Variants in CA14 observed in about 807,000 individuals in gnomAD.
The protein encoded by CA14 is CA-XIV.
Under a neutral mutation model 48.8 loss-of-function variants are expected in CA14, and 44 were observed. The observed-to-expected ratio is 0.90, with a 90% CI of 0.71 to 1.16. The LOEUF (loss-of-function observed/expected upper bound fraction) is 1.16. CA14 is among the 50% of genes most tolerant of loss of function. The pLI is 0.00. For missense variants in CA14, 386 were observed against 401.0 expected (o/e 0.96, Z 0.32); for synonymous variants, 154 against 155.0 (o/e 0.99, Z 0.05).
intron 2 of CA14, 153 bp from the exon 3 acceptor site, chr1:150,261,306 A>G (rs1651009554): frequency 4.7e-6 from 3 of 644,982 alleles, no homozygotes; most frequent in Admixed American, 2.9e-5. Context: ...CCATCCCTAT[A>G]CAACTGGGGT....
intron 8 of CA14, 48 bp downstream of exon 8, chr1:150,263,467 T>C (rs1553848481): frequency 6.2e-7 from 1 of 1,610,640 alleles, no homozygotes; most frequent in East Asian, 2.2e-5. Context: ...GGGGACACAA[T>C]GGCAGGAACT....
rs782676908 is a variant in CA14 at position 150,263,352 on chromosome 1, T to A, written c.774T>A (p.Leu258=). Residue 258 remains leucine (L), a synonymous_variant, in exon 8 of 11, where the codon CTT becomes CTA. Transcript: ENST00000369111. ...CCACAGAAGAGGAGCCCTCTAAGCTTCTGGTACAGAACTACCGAGCCCTTC... is the reference window on the plus strand; with the variant it reads ...CCACAGAAGAGGAGCCCTCTAAGCTACTGGTACAGAACTACCGAGCCCTTC... ...LFSTEEEPSK[L]LVQNYRALQP... 1.2e-6 allele frequency: 2 copies of A among 1,614,210 alleles called. No homozygotes were observed. Among genetic ancestry groups the A allele is most frequent in the Admixed American group, 3.3e-5 (2 of 60,026 alleles).
intron 3 of CA14, 126 bp downstream of exon 3, chr1:150,261,764 C>A: frequency 2.4e-6 from 2 of 846,092 alleles, no homozygotes; most frequent in Non-Finnish European, 3.6e-6. Context: ...GCCCTCAAAT[C>A]TTGTCAAGAT....
intron 10 of CA14, 62 bp from the exon 11 acceptor site, chr1:150,264,530 AT>A: frequency 1.1e-6 from 1 of 942,292 alleles, no homozygotes; most frequent in South Asian, 1.3e-5. Context: ...GCATTCTCCT[AT>A]TTCACCTCTA....
rs782649312 is a variant in CA14 at position 150,264,647 on chromosome 1, G to A, written c.1002G>A (p.Thr334=). ...KSVVFTSAQA[T]TEA is the part of the protein sequence containing the mutation. ...TGGTCTTCACCTCAGCACAAGCCAC[G>A]ACTGAGGCATAAATTCCTTCTCAGA... is the stretch of plus-strand genomic sequence containing the variant. Residue 334 remains threonine, a synonymous_variant, in exon 11 of 11, where the codon ACG becomes ACA. Transcript: ENST00000369111. 25 of 1,612,618 alleles carry A rather than the reference G, an allele frequency of 1.6e-5. No individual in the cohort carries two copies. Among genetic ancestry groups the A allele is most frequent in the East Asian group, 2.2e-5 (1 of 44,868 alleles).
chr1:150,262,392 G>A, intron 4 of CA14, 92 bp downstream of exon 4: 1 of 1,518,350 alleles, frequency 6.6e-7, no homozygotes, highest in Non-Finnish European at 9.0e-7. Flanking sequence ...AGTCATGCTG[G>A]GGGGATAAGG....
intron 10 of CA14, 34 bp downstream of exon 10, chr1:150,263,912 C>CTTTTTTTT (rs201259406): frequency 1.0e-6 from 1 of 986,914 alleles, no homozygotes; most frequent in African/African-American, 2.2e-5. Context: ...CCAGTCCCTT[C>CTTTTTTTT]TTCTTTTTTT....
At chr1:150,263,476 C>T in intron 8 of CA14, 57 bp downstream of exon 8, 1 of 1,608,898 alleles carries the variant, frequency 6.2e-7, no homozygotes, top group Non-Finnish European at 8.5e-7. Context: ...ATGGCAGGAA[C>T]TAGGGAGCCA....
chr1:150,262,301 G>A lies in CA14; in HGVS notation c.399+1G>A. 6.3e-7 allele frequency: 1 copy of A among 1,594,382 alleles called. No individual in the cohort carries two copies. The highest frequency in any genetic ancestry group is 2.2e-5 in the East Asian group (1 of 44,820). On this transcript the variant is annotated splice_donor_variant, in intron 4 of 10. Coordinates refer to ENST00000369111, the MANE Select transcript of CA14 (RefSeq NM_012113.3). LOFTEE classifies it high-confidence loss of function. Reference sequence around the variant, plus strand: ...CAACAGTGAAGCCACATTTGCAGAGGTACCAGGGAACAAAGAGCTGGGACT... The same window carrying A: ...CAACAGTGAAGCCACATTTGCAGAGATACCAGGGAACAAAGAGCTGGGACT...
At chr1:150,263,915 C>T (rs57004278) in intron 10 of CA14, 37 bp downstream of exon 10, 23,951 of 859,480 alleles carry the variant, frequency 0.028, 1,945 homozygotes, top group African/African-American at 0.21. Flanking sequence ...GTCCCTTCTT[C>T]TTTTTTTTTT....
chr1:150,264,838 G>A lies in CA14; in HGVS notation c.*179G>A, dbSNP rs1411295586. On this transcript the variant is annotated 3_prime_UTR_variant, in exon 11 of 11. Transcript: ENST00000369111. ...GGCTGTCATTCCAGGAAGAACTGCAGAGCCTTCAGCCTCTCCAAACATGTA... is the reference window on the plus strand; with the variant it reads ...GGCTGTCATTCCAGGAAGAACTGCAAAGCCTTCAGCCTCTCCAAACATGTA... The A allele has an allele frequency of 3.9e-6, 2 of 507,006 alleles. No individual in the cohort carries two copies. Among genetic ancestry groups the A allele is most frequent in the Admixed American group, 3.6e-5 (1 of 27,630 alleles). The allele number at this position is 507,006 out of a possible 1,614,324, so 31.4% of individuals were successfully genotyped here.
At chr1:150,262,440 C>G in intron 4 of CA14, 85 bp from the exon 5 acceptor site, 2 of 1,473,788 alleles carry the variant, frequency 1.4e-6, no homozygotes, top group Non-Finnish European at 1.9e-6. Flanking sequence ...CTGCCGGGGA[C>G]AGCGGGGGGA....
At chr1:150,262,923 C>T (rs1651193641) in intron 6 of CA14, 53 bp downstream of exon 6, 1 of 1,580,612 alleles carries the variant, frequency 6.3e-7, no homozygotes, top group Non-Finnish European at 8.7e-7. Flanking sequence ...CAAAAACTAT[C>T]CTTAAAAGCC....
In CA14 at chr1:150,261,520, G is replaced by A. The variant is rs781864244; in HGVS notation, c.138G>A (p.Ser46=). The A allele has an allele frequency of 3.2e-5, 52 of 1,614,028 alleles. No homozygotes were observed. Among genetic ancestry groups the A allele is most frequent in the East Asian group, 1.3e-4 (6 of 44,898 alleles). ...SYPECGNNAQ[S]PIDIQTDSVT... ...CTGAGTGTGGAAACAATGCCCAGTC[G>A]CCCATCGATATTCAGACAGACAGTG... Residue 46 remains serine (S), a synonymous_variant, in exon 3 of 11, where the codon TCG becomes TCA. Coordinates refer to ENST00000369111, the MANE Select transcript of CA14 (RefSeq NM_012113.3).
chr1:150,259,803 T>C (rs79233467), intron 1 of CA14, among the ~76,000 whole-genome samples: 10 of 147,880 alleles, frequency 6.8e-5, no homozygotes, highest in African/African-American at 2.5e-4. Context: ...CCCAATCTTC[T>C]AAGTGTTAGA....
intron 10 of CA14, 70 bp from the exon 11 acceptor site, chr1:150,264,523 T>C (rs587680165): frequency 2.2e-6 from 2 of 889,016 alleles, no homozygotes; most frequent in African/African-American, 1.6e-5. Flanking sequence ...TTAAAAAGCA[T>C]TCTCCTATTT....
At position 150,262,586 on chromosome 1, in the gene CA14, C is replaced by T. The variant is rs1553848129; in HGVS notation, c.461C>T (p.Pro154Leu). The T allele has an allele frequency of 1.9e-6, 3 of 1,614,068 alleles. No individual in the cohort carries two copies. The highest frequency in any genetic ancestry group is 1.7e-6 in the Non-Finnish European group (2 of 1,179,940). Reference protein sequence around the residue: ...YDSLSEAAERPQGLAVLGILI... With the variant: ...YDSLSEAAERLQGLAVLGILI... ...AGCTTGAGTGAGGCTGCTGAGAGGC[C>T]TCAGGGCCTGGCTGTCCTGGGCATC... Residue 154 changes from proline to leucine, a missense_variant, in exon 5 of 11, where the codon CCT (proline) becomes CTT (leucine). Transcript: ENST00000369111.
At chr1:150,260,363 C>A in intron 2 of CA14, 192 bp downstream of exon 2, 2 of 695,104 alleles carry the variant, frequency 2.9e-6, no homozygotes, top group Non-Finnish European at 5.3e-6. Flanking sequence ...AAATCCTACA[C>A]CTCCTGATTT....
chr1:150,262,040 G>C, intron 3 of CA14, 118 bp from the exon 4 acceptor site: 1 of 1,148,732 alleles, frequency 8.7e-7, no homozygotes, highest in Non-Finnish European at 1.3e-6. Context: ...GGAGGAACTG[G>C]GTGCTACTGG....
Sources: allele counts gnomAD v4.1 joint callset (sites outside exome capture counted in the v4.1 genomes callset), GRCh38; gene constraint gnomAD v4.1.1; transcripts MANE v1.5; gene names NCBI Gene and HGNC (gene_info 2026-07-23, HGNC 2026-07-21).